ASH1L: variants seen among roughly 807,000 people sequenced by gnomAD.
ASH1L encodes ASH1 like histone lysine methyltransferase, also known as histone-lysine N-methyltransferase ASH1L.
ASH1L carries 23 observed loss-of-function variants against 269.0 expected under a neutral mutation model. That is an observed-to-expected ratio of 0.09 (90% confidence interval 0.06 to 0.12). The LOEUF (loss-of-function observed/expected upper bound fraction) is 0.12. Among genes scored for constraint, ASH1L ranks in the 10% least tolerant of loss-of-function variants. The probability of loss-of-function intolerance (pLI) is 1.00; values close to 1 mark genes in which losing one functional copy is unlikely to be tolerated. For synonymous variants in ASH1L, 1,187 were observed against 1,253.5 expected (o/e 0.95, Z 1.12); for missense variants, 2,912 against 3,567.8 (o/e 0.82, Z 4.68).
At chr1:155,360,684 T>C (rs1654866908) in intron 12 of ASH1L, among the ~76,000 whole-genome samples, 1 of 152,122 alleles carries the variant, frequency 6.6e-6, no homozygotes, top group South Asian at 2.1e-4. Flanking sequence ...CCTCAGGTGA[T>C]CTGCCCGCCT....
chr1:155,506,899 G>A (rs888829075), intron 2 of ASH1L, among the ~76,000 whole-genome samples: 2 of 152,098 alleles, frequency 1.3e-5, no homozygotes, highest in East Asian at 1.9e-4. Context: ...TTCAAGACCA[G>A]CCTGGCCAAC....
At chr1:155,517,954 C>G (rs1668614551) in intron 2 of ASH1L, among the ~76,000 whole-genome samples, 3 of 151,148 alleles carry the variant, frequency 2.0e-5, no homozygotes, top group Non-Finnish European at 3.0e-5. Flanking sequence ...GTGCCCGCCA[C>G]TACGCCCGGC....
chr1:155,475,689 T>C (rs188036274), intron 3 of ASH1L, among the ~76,000 whole-genome samples: 7 of 152,332 alleles, frequency 4.6e-5, no homozygotes, highest in East Asian at 3.9e-4. Context: ...GTGACTAGAA[T>C]AGTCCTGTAT....
chr1:155,547,860 C>T (rs1670937269), intron 1 of ASH1L, among the ~76,000 whole-genome samples: 1 of 152,166 alleles, frequency 6.6e-6, no homozygotes, highest in African/African-American at 2.4e-5. Flanking sequence ...GTAGTCCCAG[C>T]TACCCACCAG....
chr1:155,529,477 CATGT>C (rs1669511422), intron 1 of ASH1L, among the ~76,000 whole-genome samples: 1 of 151,848 alleles, frequency 6.6e-6, no homozygotes, highest in Non-Finnish European at 1.5e-5. Context: ...TTGTTGGCTG[CATGT>C]ATGTCTTCTT....
At chr1:155,512,278 G>A (rs1049703423) in intron 2 of ASH1L, among the ~76,000 whole-genome samples, 6 of 151,824 alleles carry the variant, frequency 4.0e-5, no homozygotes, top group African/African-American at 9.7e-5. Flanking sequence ...AGCACAGGGC[G>A]TGGTGGCATG....
At chr1:155,551,245 G>A (rs1671178366) in intron 1 of ASH1L, among the ~76,000 whole-genome samples, 1 of 152,090 alleles carries the variant, frequency 6.6e-6, no homozygotes, top group Non-Finnish European at 1.5e-5. Flanking sequence ...GGAATGCCTG[G>A]ATGAAACATA....
intron 7 of ASH1L, among the ~76,000 whole-genome samples, chr1:155,383,097 T>TA (rs1657124789): frequency 6.6e-6 from 1 of 152,180 alleles, no homozygotes; most frequent in Admixed American, 6.5e-5. Flanking sequence ...AATAAGGACA[T>TA]AAAGAAAATA....
chr1:155,528,200 T>C (rs953367355), intron 1 of ASH1L, among the ~76,000 whole-genome samples: 1 of 152,194 alleles, frequency 6.6e-6, no homozygotes, highest in African/African-American at 2.4e-5. Flanking sequence ...CTGCCCCAAA[T>C]CTATTCTTCC....
chr1:155,527,657 C>T (rs1385781302), intron 1 of ASH1L, among the ~76,000 whole-genome samples: 11 of 151,586 alleles, frequency 7.3e-5, no homozygotes, highest in African/African-American at 2.7e-4. Context: ...CTGCCTCAGA[C>T]CCCAAGTAGC....
intron 6 of ASH1L, among the ~76,000 whole-genome samples, chr1:155,410,921 T>A (rs1160382254): frequency 6.6e-6 from 1 of 152,218 alleles, no homozygotes; most frequent in African/African-American, 2.4e-5. Context: ...ATTTTTATTC[T>A]ATTGTATGAT....
At chr1:155,409,835 C>A (rs915243726) in intron 6 of ASH1L, among the ~76,000 whole-genome samples, 5 of 151,970 alleles carry the variant, frequency 3.3e-5, no homozygotes, top group African/African-American at 1.2e-4. Flanking sequence ...AAATGAAGGG[C>A]ATTCTAAAAG....
intron 4 of ASH1L, among the ~76,000 whole-genome samples, chr1:155,441,670 G>A (rs572852103): frequency 1.3e-4 from 19 of 150,524 alleles, no homozygotes; most frequent in African/African-American, 4.4e-4. Context: ...GTTTCACCAT[G>A]TTAGCCAGGA....
intron 2 of ASH1L, among the ~76,000 whole-genome samples, chr1:155,499,167 T>C (rs992994600): frequency 4.6e-5 from 7 of 152,126 alleles, no homozygotes; most frequent in Admixed American, 4.6e-4. Context: ...TAGCATAATT[T>C]CTTAAATAAA....
At chr1:155,384,162 T>A (rs1657217113) in intron 7 of ASH1L, among the ~76,000 whole-genome samples, 1 of 152,246 alleles carries the variant, frequency 6.6e-6, no homozygotes, top group Non-Finnish European at 1.5e-5. Flanking sequence ...TCCTTCCTAA[T>A]GTTCCAAAGT....
intron 12 of ASH1L, 198 bp downstream of exon 12, chr1:155,370,306 T>C: frequency 3.1e-6 from 2 of 639,268 alleles, no homozygotes; most frequent in South Asian, 4.6e-5. Context: ...AGAACACAAA[T>C]AAAAACAAAA....
intron 4 of ASH1L, among the ~76,000 whole-genome samples, chr1:155,450,161 G>A (rs1663360493): frequency 6.6e-6 from 1 of 152,134 alleles, no homozygotes; most frequent in Non-Finnish European, 1.5e-5. Flanking sequence ...GTGTTCCTCT[G>A]TATGTGTTTG....
At chr1:155,345,636 G>T (rs1258660097) in intron 21 of ASH1L, among the ~76,000 whole-genome samples, 1 of 137,436 alleles carries the variant, frequency 7.3e-6, no homozygotes, top group Non-Finnish European at 1.5e-5. Flanking sequence ...ATGCAGTGAT[G>T]CGATCTTGGC....
chr1:155,357,855 C>G, intron 13 of ASH1L, 106 bp from the exon 14 acceptor site: 1 of 1,109,240 alleles, frequency 9.0e-7, no homozygotes, highest in Non-Finnish European at 1.2e-6. Flanking sequence ...ACTGCAGTCT[C>G]AACCTCCTGG....
Sources: gnomAD v4.1 joint callset for allele counts (sites outside exome capture counted in the v4.1 genomes callset) on GRCh38, gnomAD v4.1.1 for gene constraint, MANE v1.5 for transcripts, NCBI Gene and HGNC (gene_info 2026-07-23, HGNC 2026-07-21) for gene names.